RPS6KA2: variants seen among roughly 807,000 people sequenced by gnomAD.
RPS6KA2 encodes ribosomal protein S6 kinase A2.
A neutral mutation model predicts 91.8 loss-of-function variants in RPS6KA2; 42 were observed. The observed-to-expected ratio is 0.46, with a 90% CI of 0.36 to 0.59. RPS6KA2 has a LOEUF of 0.59. Ranked by LOEUF, RPS6KA2 falls within the 20% of genes least tolerant of loss-of-function variation. RPS6KA2 has a pLI of 0.00. For synonymous variants in RPS6KA2, 414 were observed against 393.6 expected (o/e 1.05, Z -0.61); for missense variants, 798 against 978.5 (o/e 0.82, Z 2.46).
At chr6:166,465,530 T>C (rs544740606) in intron 11 of RPS6KA2, 25 of 152,386 alleles carry the variant, frequency 1.6e-4, no homozygotes, top group African/African-American at 5.5e-4. Flanking sequence ...TAGCAAGATG[T>C]TGACAGCTTC....
At chr6:166,839,810 A>G (rs1003416988) in intron 2 of RPS6KA2, among the ~76,000 whole-genome samples, 8 of 150,514 alleles carry the variant, frequency 5.3e-5, no homozygotes, top group African/African-American at 1.7e-4. Context: ...GGGCTTCCAC[A>G]AGGAAGGCAG....
At chr6:166,758,292 A>G (rs1778074791) in intron 2 of RPS6KA2, among the ~76,000 whole-genome samples, 1 of 152,192 alleles carries the variant, frequency 6.6e-6, no homozygotes, top group African/African-American at 2.4e-5. Flanking sequence ...CGCCCCAGAG[A>G]CACAGGCACG....
At chr6:166,638,182 G>A (rs551264697) in intron 2 of RPS6KA2, among the ~76,000 whole-genome samples, 1 of 152,374 alleles carries the variant, frequency 6.6e-6, no homozygotes, top group East Asian at 1.9e-4. Context: ...TTAGAGCCAG[G>A]CTTCAAAGAA....
intron 2 of RPS6KA2, among the ~76,000 whole-genome samples, chr6:166,719,807 C>G (rs140969738): frequency 6.6e-6 from 1 of 152,318 alleles, no homozygotes; most frequent in African/African-American, 2.4e-5. Context: ...TTGCATTGAT[C>G]CCAACAAGCA....
chr6:166,605,883 G>T (rs191867537), intron 1 of RPS6KA2, among the ~76,000 whole-genome samples: 1 of 152,226 alleles, frequency 6.6e-6, no homozygotes, highest in East Asian at 1.9e-4. Context: ...ACGCTGCCCA[G>T]AGGCGCAGCA....
chr6:166,509,344 G>C (rs1407880983), intron 4 of RPS6KA2: 1 of 170,298 alleles, frequency 5.9e-6, no homozygotes, highest in Non-Finnish European at 1.5e-5. Flanking sequence ...CACGTGGGAT[G>C]GGACTTGACA....
rs940977092 is a variant in RPS6KA2, at chr6:166,825,098, G to A, written c.123+33102C>T. Reference sequence around the variant, plus strand: ...TGTTCTTCCACGAGGGAATAGCAGGGCCTCTAAAAACCCTTTTACAAATGT... The same window carrying A: ...TGTTCTTCCACGAGGGAATAGCAGGACCTCTAAAAACCCTTTTACAAATGT... On this transcript the variant is annotated intron_variant, in intron 2 of 21. Transcript: ENST00000503859. The surrounding 1 kb of genome is among the most constrained non-coding windows in gnomAD (Gnocchi z 4.1). Among the ~76,000 whole-genome samples the A allele has an allele frequency of 2.0e-5, 3 of 152,234 alleles. No individual in the cohort carries two copies. Among genetic ancestry groups the A allele is most frequent in the East Asian group, 3.8e-4 (2 of 5,202 alleles).
intron 10 of RPS6KA2, among the ~76,000 whole-genome samples, chr6:166,480,514 T>TATATATATAAAA (rs1554279395): frequency 1.8e-5 from 2 of 110,760 alleles, no homozygotes; most frequent in African/African-American, 3.9e-5. Context: ...TATATATATA[T>TATATATATAAAA]AATATATTTT....
chr6:166,562,736 C>T (rs1784379695), intron 1 of RPS6KA2, among the ~76,000 whole-genome samples: 1 of 152,202 alleles, frequency 6.6e-6, no homozygotes, highest in African/African-American at 2.4e-5. Flanking sequence ...AGAGGTTTAT[C>T]CCAGGTGCTG....
intron 2 of RPS6KA2, among the ~76,000 whole-genome samples, chr6:166,776,659 A>G (rs1286730891): frequency 6.6e-6 from 1 of 152,170 alleles, no homozygotes; most frequent in Non-Finnish European, 1.5e-5. Flanking sequence ...AGAACCGCAC[A>G]GCGTGGGGTC....
intron 2 of RPS6KA2, among the ~76,000 whole-genome samples, chr6:166,747,516 C>A (rs931298938): frequency 4.6e-5 from 7 of 152,186 alleles, no homozygotes; most frequent in Non-Finnish European, 7.3e-5. Context: ...GTGACACAAG[C>A]CCGACTCACA....
chr6:166,619,912 TA>T (rs1786562761), intron 1 of RPS6KA2, among the ~76,000 whole-genome samples: 1 of 152,216 alleles, frequency 6.6e-6, no homozygotes. Flanking sequence ...ATTTCTACCA[TA>T]ACCATTCCAA....
At chr6:166,811,236 C>T (rs1227994672) in intron 2 of RPS6KA2, among the ~76,000 whole-genome samples, 3 of 152,220 alleles carry the variant, frequency 2.0e-5, no homozygotes, top group South Asian at 4.1e-4. Context: ...TAGAGCCCCT[C>T]AGGTGCCCTC....
At chr6:166,521,355 G>A (rs1004922102) in intron 3 of RPS6KA2, among the ~76,000 whole-genome samples, 21 of 152,336 alleles carry the variant, frequency 1.4e-4, no homozygotes, top group Admixed American at 4.6e-4. Context: ...GGGCAGAACC[G>A]CCAACTCGTT....
At chr6:166,436,980 C>CTG (rs1376282657) in intron 14 of RPS6KA2, among the ~76,000 whole-genome samples, 4 of 152,156 alleles carry the variant, frequency 2.6e-5, no homozygotes, top group Non-Finnish European at 5.9e-5. Context: ...GTCCCGGATG[C>CTG]TGTCAGGAAG....
chr6:166,616,980 G>C (rs1786438425), intron 1 of RPS6KA2, among the ~76,000 whole-genome samples: 1 of 152,238 alleles, frequency 6.6e-6, no homozygotes, highest in African/African-American at 2.4e-5. Context: ...GAGCCCAGAA[G>C]GTTCATGGGT....
chr6:166,527,647 C>T (rs977666988), intron 3 of RPS6KA2, among the ~76,000 whole-genome samples: 68 of 152,132 alleles, frequency 4.5e-4, no homozygotes, highest in African/African-American at 1.5e-3. Context: ...TGTGTACCAT[C>T]GGTGGGTTTT....
intron 2 of RPS6KA2, among the ~76,000 whole-genome samples, chr6:166,659,130 G>A (rs1042925764): frequency 2.6e-5 from 4 of 151,578 alleles, no homozygotes; most frequent in African/African-American, 9.7e-5. Flanking sequence ...AAATTGGACA[G>A]GTGTCCAAAA....
At chr6:166,676,623 G>A (rs905197184) in intron 2 of RPS6KA2, among the ~76,000 whole-genome samples, 6 of 152,176 alleles carry the variant, frequency 3.9e-5, no homozygotes, top group Admixed American at 3.9e-4. Context: ...CCTCCTGGAG[G>A]TGTCCCTGTG....
Sources: gnomAD v4.1 joint callset for allele counts (sites outside exome capture counted in the v4.1 genomes callset) on GRCh38, gnomAD v4.1.1 for gene constraint, Gnocchi (gnomAD v3.1) non-coding constraint, MANE v1.5 for transcripts, NCBI Gene and HGNC (gene_info 2026-07-23, HGNC 2026-07-21) for gene names.